LRP1B: variants seen among roughly 807,000 people sequenced by gnomAD.
LRP1B encodes low-density lipoprotein receptor-related protein 1B.
LRP1B carries 217 observed loss-of-function variants against 556.6 expected under a neutral mutation model. The ratio of observed to expected loss-of-function variants is 0.39; its 90% confidence interval spans 0.35 to 0.44. The LOEUF is 0.44. Among genes scored for constraint, LRP1B ranks in the 20% least tolerant of loss-of-function variants. The pLI, the probability that LRP1B is intolerant of heterozygous loss-of-function variation, is 1.00. For synonymous variants in LRP1B, 2,047 were observed against 1,865.8 expected (o/e 1.10, Z -2.50); for missense variants, 5,053 against 5,620.8 (o/e 0.90, Z 3.23).
At chr2:140,358,157 C>A in intron 73 of LRP1B, 41 bp from the exon 74 acceptor site, 1 of 1,582,544 alleles carries the variant, frequency 6.3e-7, no homozygotes, top group South Asian at 1.1e-5. Flanking sequence ...TTCACAGAAT[C>A]AAAACACTCT....
intron 66 of LRP1B, among the ~76,000 whole-genome samples, chr2:140,400,934 A>G (rs1047190800): frequency 6.6e-6 from 1 of 152,212 alleles, no homozygotes; most frequent in Non-Finnish European, 1.5e-5. Flanking sequence ...TAAAAAAGAT[A>G]AAAGTAAAAG....
intron 1 of LRP1B, among the ~76,000 whole-genome samples, chr2:142,090,720 G>T (rs1246444121): frequency 6.6e-6 from 1 of 151,892 alleles, no homozygotes; most frequent in Non-Finnish European, 1.5e-5. Context: ...CTATCCACCT[G>T]GAATTCCTGT....
intron 3 of LRP1B, among the ~76,000 whole-genome samples, chr2:141,267,849 G>A (rs1264567810): frequency 6.6e-6 from 1 of 152,156 alleles, no homozygotes; most frequent in East Asian, 1.9e-4. Context: ...ATAATAGGAT[G>A]GAGGTAGTAG....
At chr2:141,620,646 T>C (rs1475853286) in intron 2 of LRP1B, among the ~76,000 whole-genome samples, 1 of 152,220 alleles carries the variant, frequency 6.6e-6, no homozygotes, top group Non-Finnish European at 1.5e-5. Flanking sequence ...TTTAAAGAAA[T>C]ATTTTCTGTT....
intron 1 of LRP1B, among the ~76,000 whole-genome samples, chr2:142,004,819 T>C (rs1702754082): frequency 6.6e-6 from 1 of 151,920 alleles, no homozygotes; most frequent in South Asian, 2.1e-4. Flanking sequence ...GCCACTGCAC[T>C]CCAGTCTGGG....
At chr2:141,603,501 T>A (rs1420555208) in intron 2 of LRP1B, among the ~76,000 whole-genome samples, 2 of 152,130 alleles carry the variant, frequency 1.3e-5, no homozygotes, top group Admixed American at 1.3e-4. Context: ...ATACAGATAA[T>A]AGGGAATTTT....
chr2:141,477,591 A>G (rs1236784469), intron 3 of LRP1B, among the ~76,000 whole-genome samples: 1 of 152,218 alleles, frequency 6.6e-6, no homozygotes, highest in African/African-American at 2.4e-5. Flanking sequence ...AATGTTGCCC[A>G]GTGATTTGGT....
chr2:140,547,715 G>GAATGAAGA (rs1264059694), intron 43 of LRP1B, among the ~76,000 whole-genome samples: 1 of 152,014 alleles, frequency 6.6e-6, no homozygotes, highest in East Asian at 1.9e-4. Flanking sequence ...GGCATACTTA[G>GAATGAAGA]AATGAAGAAA....
intron 2 of LRP1B, among the ~76,000 whole-genome samples, chr2:141,733,014 T>C (rs1388317898): frequency 1.3e-5 from 2 of 152,106 alleles, no homozygotes; most frequent in African/African-American, 4.8e-5. Context: ...CTAGTTCCAA[T>C]GGCAAAGCTG....
In LRP1B at chr2:140,481,577, C is replaced by CTTT. The variant is rs1005159062; in HGVS notation, c.9425+3763_9425+3765dup. Among the ~76,000 whole-genome samples the CTTT allele has an allele frequency of 2.3e-4, 26 of 113,576 alleles. 3 individuals are homozygous for CTTT. In the Middle Eastern group the frequency reaches 0.042, roughly 185 times the overall value. 74.5% of individuals were successfully genotyped at this position (113,576 alleles called of 152,430 possible). On this transcript the variant is annotated intron_variant, in intron 59 of 90. Transcript: ENST00000389484. The stretch of plus-strand genomic sequence containing the variant: ...AAAATGCTATAGAAATGGTAGCCAT[C>CTTT]TTTATTATTATTATTATTATTATTA...
chr2:141,124,007 G>T (rs1470272718), intron 7 of LRP1B, among the ~76,000 whole-genome samples: 1 of 152,132 alleles, frequency 6.6e-6, no homozygotes, highest in Non-Finnish European at 1.5e-5. Flanking sequence ...TTTTTAGGAA[G>T]AGTGAATAAG....
At chr2:140,238,720 G>A (rs1321824423) in intron 88 of LRP1B, among the ~76,000 whole-genome samples, 1 of 150,786 alleles carries the variant, frequency 6.6e-6, no homozygotes, top group African/African-American at 2.4e-5. Flanking sequence ...ACAAGTGCAA[G>A]TTTGTTACGT....
intron 16 of LRP1B, among the ~76,000 whole-genome samples, chr2:140,990,737 T>A (rs1558786110): frequency 6.6e-6 from 1 of 152,134 alleles, no homozygotes; most frequent in Non-Finnish European, 1.5e-5. Flanking sequence ...ATGATTATTT[T>A]TCCTCCATTC....
intron 2 of LRP1B, among the ~76,000 whole-genome samples, chr2:141,608,309 G>A (rs2105318559): frequency 6.6e-6 from 1 of 152,252 alleles, no homozygotes; most frequent in East Asian, 1.9e-4. Flanking sequence ...CCCTAGAGAA[G>A]CATTTCAAAA....
At chr2:141,293,279 A>T (rs1005773780) in intron 3 of LRP1B, among the ~76,000 whole-genome samples, 1 of 152,196 alleles carries the variant, frequency 6.6e-6, no homozygotes, top group Non-Finnish European at 1.5e-5. Flanking sequence ...TATCATACAT[A>T]GCAATGCACA....
chr2:140,434,676 G>T (rs1441413662), intron 66 of LRP1B, among the ~76,000 whole-genome samples: 1 of 152,052 alleles, frequency 6.6e-6, no homozygotes, highest in Non-Finnish European at 1.5e-5. Context: ...AAGCCAGACA[G>T]CTTGCATTCT....
chr2:141,659,588 G>A (rs999237290), intron 2 of LRP1B, among the ~76,000 whole-genome samples: 1 of 152,084 alleles, frequency 6.6e-6, no homozygotes, highest in Non-Finnish European at 1.5e-5. Flanking sequence ...GTCAAAGCAG[G>A]TTTTGGGTGG....
At chr2:141,045,715 C>T (rs1406738691) in intron 11 of LRP1B, among the ~76,000 whole-genome samples, 1 of 152,054 alleles carries the variant, frequency 6.6e-6, no homozygotes, top group Non-Finnish European at 1.5e-5. Context: ...TTTACTGAAG[C>T]ATTCCTATCA....
At chr2:141,244,011 T>C (rs1366901559) in intron 5 of LRP1B, among the ~76,000 whole-genome samples, 1 of 152,188 alleles carries the variant, frequency 6.6e-6, no homozygotes, top group Non-Finnish European at 1.5e-5. Flanking sequence ...TTAATTTACC[T>C]AATTGCTATC....
Sources: gnomAD v4.1 joint callset for allele counts (sites outside exome capture counted in the v4.1 genomes callset) on GRCh38, gnomAD v4.1.1 for gene constraint, MANE v1.5 for transcripts, NCBI Gene and HGNC (gene_info 2026-07-23, HGNC 2026-07-21) for gene names.